Variants in MSRA observed in about 807,000 individuals in gnomAD.
MSRA encodes methionine sulfoxide reductase A.
Under a neutral mutation model 31.3 loss-of-function variants are expected in MSRA, and 54 were observed. The observed-to-expected ratio is 1.73, with a 90% CI of 1.39 to 2.17. MSRA has a LOEUF of 2.17. MSRA is among the 30% of genes most tolerant of loss of function. MSRA has a pLI of 0.00. For missense variants in MSRA, 507 were observed against 300.9 expected (o/e 1.69, Z -5.07); for synonymous variants, 169 against 116.5 (o/e 1.45, Z -2.90).
intron 1 of MSRA, among the ~76,000 whole-genome samples, chr8:10,182,474 G>A (rs1037438293): frequency 1.3e-5 from 2 of 152,230 alleles, no homozygotes; most frequent in African/African-American, 4.8e-5. Flanking sequence ...GTTAGATAAG[G>A]TGGAGAGCTC....
At chr8:10,060,428 T>C (rs140268892) in intron 1 of MSRA, among the ~76,000 whole-genome samples, 91 of 152,320 alleles carry the variant, frequency 6.0e-4, no homozygotes, top group African/African-American at 2.1e-3. Flanking sequence ...AGAGAAACTT[T>C]GAAAGGATAG....
At chr8:10,234,852 A>G (rs1163447106) in intron 2 of MSRA, among the ~76,000 whole-genome samples, 1 of 152,116 alleles carries the variant, frequency 6.6e-6, no homozygotes. Flanking sequence ...ATACTAAACA[A>G]TAACAAAAGG....
At chr8:10,099,227 C>T (rs1336593207) in intron 1 of MSRA, among the ~76,000 whole-genome samples, 2 of 152,148 alleles carry the variant, frequency 1.3e-5, no homozygotes, top group African/African-American at 4.8e-5. Context: ...GTCACGTGAT[C>T]TGAGGAGATG....
Position 10,320,009 on chromosome 8 carries a change from T to TA in MSRA, c.543+21dup. ...CAAAAGGTAGGGATTGCTGGGCTCC[T>TA]AGCCCCTGGCTTAGGCCACCATGAC... On this transcript the variant is annotated intron_variant, in intron 5 of 5. Transcript: ENST00000317173. The TA allele has an allele frequency of 6.4e-7, 1 of 1,554,708 alleles. No homozygotes were observed. Among genetic ancestry groups the TA allele is most frequent in the East Asian group, 2.3e-5 (1 of 43,742 alleles).
At chr8:10,221,428 A>T (rs577209544) in intron 2 of MSRA, among the ~76,000 whole-genome samples, 1 of 139,080 alleles carries the variant, frequency 7.2e-6, no homozygotes, top group East Asian at 2.2e-4. Context: ...ATATATATGT[A>T]TATATGTGTA....
At chr8:10,192,868 T>TG (rs11443022) in intron 1 of MSRA, among the ~76,000 whole-genome samples, 84,333 of 152,062 alleles carry the variant, frequency 0.55, 24,701 homozygotes, top group African/African-American at 0.77. Context: ...AGCATGTTCA[T>TG]GGAAAATGGT....
intron 2 of MSRA, among the ~76,000 whole-genome samples, chr8:10,224,125 C>T (rs758882391): frequency 3.9e-5 from 6 of 152,138 alleles, no homozygotes; most frequent in Admixed American, 1.3e-4. Flanking sequence ...GGTGGTGATG[C>T]GCACATCATA....
intron 1 of MSRA, among the ~76,000 whole-genome samples, chr8:10,097,911 GT>G (rs1799284567): frequency 6.6e-6 from 1 of 152,018 alleles, no homozygotes; most frequent in African/African-American, 2.4e-5. Context: ...AGTCACTGAA[GT>G]TTCTTACCAA....
At chr8:10,306,282 C>A (rs890900350) in intron 4 of MSRA, among the ~76,000 whole-genome samples, 5 of 152,240 alleles carry the variant, frequency 3.3e-5, no homozygotes, top group African/African-American at 1.2e-4. Flanking sequence ...ACTTAATGGT[C>A]TGATGTAGGA....
chr8:10,242,857 C>T (rs1199063479), intron 2 of MSRA, among the ~76,000 whole-genome samples: 1 of 152,136 alleles, frequency 6.6e-6, no homozygotes, highest in Non-Finnish European at 1.5e-5. Flanking sequence ...AGTCACATTC[C>T]TCTCCAGAAA....
intron 2 of MSRA, among the ~76,000 whole-genome samples, 183 bp downstream of exon 2, chr8:10,208,084 A>G (rs994750978): frequency 5.3e-5 from 8 of 152,226 alleles, no homozygotes; most frequent in African/African-American, 9.6e-5. Flanking sequence ...CTTATTCTAT[A>G]GAATTTAGCG....
chr8:10,326,035 C>G (rs543840828), intron 5 of MSRA, among the ~76,000 whole-genome samples: 2 of 152,290 alleles, frequency 1.3e-5, no homozygotes, highest in South Asian at 4.1e-4. Flanking sequence ...ACACTGCTTT[C>G]CTCTTCAGAA....
At chr8:10,101,396 T>C (rs182914193) in intron 1 of MSRA, among the ~76,000 whole-genome samples, 1 of 152,288 alleles carries the variant, frequency 6.6e-6, no homozygotes, top group Admixed American at 6.5e-5. Context: ...CATAACATAT[T>C]TTACCGTCTT....
intron 5 of MSRA, among the ~76,000 whole-genome samples, chr8:10,418,273 C>G (rs1279330335): frequency 6.6e-6 from 1 of 152,176 alleles, no homozygotes; most frequent in Non-Finnish European, 1.5e-5. Context: ...GTTTGAACTG[C>G]AGGTACCCTC....
chr8:10,106,018 C>T (rs1199589742), intron 1 of MSRA, among the ~76,000 whole-genome samples: 1 of 152,168 alleles, frequency 6.6e-6, no homozygotes, highest in African/African-American at 2.4e-5. Flanking sequence ...AAATTGGAAT[C>T]GGAAAGGATA....
At chr8:10,350,677 T>TG (rs1804072704) in intron 5 of MSRA, among the ~76,000 whole-genome samples, 1 of 152,242 alleles carries the variant, frequency 6.6e-6, no homozygotes, top group South Asian at 2.1e-4. Context: ...TCATAGCTGG[T>TG]TGGCCCTGTA....
chr8:10,058,754 C>A (rs571874435), intron 1 of MSRA, among the ~76,000 whole-genome samples: 1 of 152,308 alleles, frequency 6.6e-6, no homozygotes, highest in East Asian at 1.9e-4. Context: ...ACAGTGTGCA[C>A]TGTTAGCAAA....
intron 1 of MSRA, among the ~76,000 whole-genome samples, chr8:10,166,030 C>G (rs538079812): frequency 4.5e-4 from 68 of 152,188 alleles, no homozygotes; most frequent in African/African-American, 1.5e-3. Flanking sequence ...ACAAGGTACC[C>G]AAGACCGTGT....
At chr8:10,245,465 A>G (rs972306919) in intron 3 of MSRA, among the ~76,000 whole-genome samples, 1 of 152,254 alleles carries the variant, frequency 6.6e-6, no homozygotes, top group Non-Finnish European at 1.5e-5. Flanking sequence ...ATGGTGGCTT[A>G]AAACAGTCAT....
Sources: gnomAD v4.1 joint callset for allele counts (sites outside exome capture counted in the v4.1 genomes callset) on GRCh38, gnomAD v4.1.1 for gene constraint, MANE v1.5 for transcripts, NCBI Gene and HGNC (gene_info 2026-07-23, HGNC 2026-07-21) for gene names.